ZNF692: variants seen among roughly 807,000 people sequenced by gnomAD.
ZNF692 encodes zinc finger protein 692.
Under a neutral mutation model 49.0 loss-of-function variants are expected in ZNF692, and 41 were observed. The observed-to-expected ratio is 0.84, with a 90% confidence interval of 0.65 to 1.08. The LOEUF (loss-of-function observed/expected upper bound fraction) is 1.08. Among genes scored for constraint, ZNF692 ranks in the 50% least tolerant of loss-of-function variants. The probability of loss-of-function intolerance (pLI) is 0.00; values close to 1 mark genes in which losing one functional copy is unlikely to be tolerated. For synonymous variants in ZNF692, 288 were observed against 251.5 expected (o/e 1.15, Z -1.37); for missense variants, 662 against 662.2 (o/e 1.00, Z 0.00).
At position 248,858,514 on chromosome 1, in the gene ZNF692, T is replaced by C. The variant is rs1660521221; in HGVS notation, c.-12-193A>G. ...AGGGTGTTGAAGCTCAGCGCTACCA[T>C]GTGAGTGTCGTCGGGTGGGAGGCAG... On this transcript the variant is annotated intron_variant, in intron 1 of 11. Transcript: ENST00000306601. This position sits in a 1 kb window ranked among gnomAD's most constrained non-coding sequence, Gnocchi z 4.3. 1 of 1,551,526 alleles carries C rather than the reference T, an allele frequency of 6.4e-7. No homozygotes were observed. Among genetic ancestry groups the C allele is most frequent in the Admixed American group, 2.0e-5 (1 of 50,974 alleles).
intron 6 of ZNF692, 158 bp from the exon 7 acceptor site, chr1:248,856,104 C>A: frequency 8.2e-7 from 1 of 1,213,540 alleles, no homozygotes; most frequent in Non-Finnish European, 1.1e-6. Flanking sequence ...CCTCAATCTC[C>A]CTGCACCTGA....
chr1:248,857,590 C>T (rs1558260698), intron 3 of ZNF692, 93 bp from the exon 4 acceptor site: 2 of 1,520,900 alleles, frequency 1.3e-6, no homozygotes, highest in Non-Finnish European at 8.8e-7. Flanking sequence ...TCCCTCAAAC[C>T]CCAGGGCAAC....
intron 9 of ZNF692, 57 bp from the exon 10 acceptor site, chr1:248,854,108 C>A: frequency 7.4e-7 from 1 of 1,353,082 alleles, no homozygotes; most frequent in Non-Finnish European, 1.1e-6. Flanking sequence ...CCACCTTCCA[C>A]GGAGAGATGA....
chr1:248,850,952 T>C (rs1203805945), intron 10 of ZNF692, 171 bp from the exon 11 acceptor site: 1 of 718,160 alleles, frequency 1.4e-6, no homozygotes, highest in Non-Finnish European at 2.5e-6. Context: ...CCTTACCTGA[T>C]GGGTCATGAC....
chr1:248,853,895 G>C (rs1342365610), intron 10 of ZNF692, 42 bp downstream of exon 10: 4 of 1,511,550 alleles, frequency 2.6e-6, no homozygotes, highest in Non-Finnish European at 3.7e-6. Flanking sequence ...CACAAAGGAA[G>C]GTAAAAGGTC....
chr1:248,850,238 T>C lies in ZNF692; in HGVS notation c.1532A>G (p.Gln511Arg). ...TTGCTGAGGAAGCAGGGTTGGAGCC[T>C]GAGGAGATGCAGAGGGCCTGGACCC... The part of the protein sequence containing the change: ...SEGSRPSASP[Q>R]APTLLPQQ Residue 511 changes from glutamine to arginine, a missense_variant, in exon 12 of 12, where the codon CAG (glutamine) becomes CGG (arginine). Coordinates refer to ENST00000306601, the MANE Select transcript of ZNF692 (RefSeq NM_017865.4). 6.4e-7 allele frequency: 1 copy of C among 1,551,020 alleles called. No individual in the cohort carries two copies. The highest frequency in any genetic ancestry group is 8.7e-7 in the Non-Finnish European group (1 of 1,148,338).
rs1467067864 is a variant in ZNF692 at position 248,855,933 on chromosome 1, C to T, written c.673G>A (p.Ala225Thr). Residue 225 changes from alanine to threonine, a missense_variant, in exon 7 of 12, where the codon GCC becomes ACC. Coordinates refer to ENST00000306601, the MANE Select transcript of ZNF692 (RefSeq NM_017865.4). Reference protein sequence around the residue: ...SSSPDDSEPDAPRLLPSPVTC... With the variant: ...SSSPDDSEPDTPRLLPSPVTC... ...ACAGGGGAAGGCAGTAGTCTGGGGGCATCAGGCTCACTACTGAAAGGAGAA... is the reference window on the plus strand; with the variant it reads ...ACAGGGGAAGGCAGTAGTCTGGGGGTATCAGGCTCACTACTGAAAGGAGAA... 1.9e-6 allele frequency: 3 copies of T among 1,613,820 alleles called. No individual in the cohort carries two copies. Among genetic ancestry groups the T allele is most frequent in the Non-Finnish European group, 1.7e-6 (2 of 1,180,020 alleles).
In ZNF692 at chr1:248,858,424, G is replaced by A; in HGVS notation, c.-12-103C>T. 6.4e-7 allele frequency: 1 copy of A among 1,551,034 alleles called. No individual in the cohort carries two copies. Among genetic ancestry groups the A allele is most frequent in the Non-Finnish European group, 8.7e-7 (1 of 1,146,420 alleles). ...CTCAGTTTCCTCATCAGTGAACTGG[G>A]GCAAGACTAAACTATTTCAATAGCA... On this transcript the variant is annotated intron_variant, in intron 1 of 11. Coordinates refer to ENST00000306601, the MANE Select transcript of ZNF692 (RefSeq NM_017865.4). This position sits in a 1 kb window ranked among gnomAD's most constrained non-coding sequence, Gnocchi z 4.3.
chr1:248,852,443 TCCCCCAC>T (rs1659710101), intron 10 of ZNF692, among the ~76,000 whole-genome samples: 1 of 151,814 alleles, frequency 6.6e-6, no homozygotes, highest in African/African-American at 2.4e-5. Context: ...TCACTTGAGG[TCCCCCAC>T]CCCACTCTAG....
At chr1:248,856,693 G>A in intron 4 of ZNF692, 131 bp from the exon 5 acceptor site, 1 of 1,132,048 alleles carries the variant, frequency 8.8e-7, no homozygotes, top group Non-Finnish European at 1.3e-6. Flanking sequence ...TCACTATGTT[G>A]CCCAGGCTGG....
In ZNF692 at chr1:248,857,822, A is replaced by C. The variant is rs1558261000; in HGVS notation, c.211+6T>G. 2.5e-6 allele frequency: 4 copies of C among 1,613,178 alleles called. No individual in the cohort carries two copies. Among genetic ancestry groups the C allele is most frequent in the Middle Eastern group, 1.7e-4 (1 of 6,056 alleles). On this transcript the variant is annotated splice_donor_region_variant and intron_variant, in intron 3 of 11. Coordinates refer to ENST00000306601, the MANE Select transcript of ZNF692 (RefSeq NM_017865.4). The stretch of plus-strand genomic sequence containing the variant: ...TGGCTCTCACCCCCTGCCATCCCCT[A>C]CCTACCTGCACAGAGGACACAGCCT...
chr1:248,858,442 C>A lies in ZNF692; in HGVS notation c.-12-121G>T. ...GAACTGGGGCAAGACTAAACTATTT[C>A]AATAGCAGTGGCAGGTGTGGAGCCA... On this transcript the variant is annotated intron_variant, in intron 1 of 11. Coordinates refer to ENST00000306601, the MANE Select transcript of ZNF692 (RefSeq NM_017865.4). This position sits in a 1 kb window ranked among gnomAD's most constrained non-coding sequence, Gnocchi z 4.3. 1 of 1,551,394 alleles carries A rather than the reference C, an allele frequency of 6.4e-7. No homozygotes were observed. The highest frequency in any genetic ancestry group is 1.2e-5 in the South Asian group (1 of 84,046).
chr1:248,856,135 T>C, intron 6 of ZNF692, 153 bp downstream of exon 6: 2 of 1,337,384 alleles, frequency 1.5e-6, no homozygotes, highest in Non-Finnish European at 2.0e-6. Flanking sequence ...TTTCACCCCC[T>C]CAGTTCAAAG....
chr1:248,855,651 AG>A lies in ZNF692; in HGVS notation c.882-17del, dbSNP rs1660138155. The A allele has an allele frequency of 1.2e-6, 2 of 1,614,198 alleles. No individual in the cohort carries two copies. The highest frequency in any genetic ancestry group is 1.7e-6 in the Non-Finnish European group (2 of 1,180,020). On this transcript the variant is annotated splice_polypyrimidine_tract_variant and intron_variant, in intron 7 of 11. Coordinates refer to ENST00000306601, the MANE Select transcript of ZNF692 (RefSeq NM_017865.4). ...ACTCCCAGTGCTACGGGCAGCAAAG[AG>A]GGAGCAGAGGGCCTCGAGGGAGGGC... is the stretch of plus-strand genomic sequence containing the variant.
chr1:248,850,776 G>A lies in ZNF692; in HGVS notation c.1159C>T (p.Arg387Trp), dbSNP rs147654801. ...GCGCAGAACTCACAGATGTAGTCCCGGGTGTCTGCAGGCATATGAGGGACA... is the reference window on the plus strand; with the variant it reads ...GCGCAGAACTCACAGATGTAGTCCCAGGTGTCTGCAGGCATATGAGGGACA... Reference protein sequence around the residue: ...KEHMKLHSDTRDYICEFCARS... With the variant: ...KEHMKLHSDTWDYICEFCARS... Residue 387 changes from arginine (R) to tryptophan (W), a missense_variant, in exon 11 of 12, where the codon CGG becomes TGG. By Grantham distance (101) the Arg-to-Trp change is moderately radical. Coordinates refer to ENST00000306601, the MANE Select transcript of ZNF692 (RefSeq NM_017865.4). The A allele has an allele frequency of 1.5e-5, 25 of 1,613,850 alleles. No homozygotes were observed. The highest frequency in any genetic ancestry group is 9.4e-5 in the African/African-American group (7 of 74,856).
rs1394308101 is a variant in ZNF692 at position 248,854,054 on chromosome 1, A to G, written c.1039-3T>C. 6.2e-7 allele frequency: 1 copy of G among 1,612,576 alleles called. No homozygotes were observed. ...ATGTGCTGGTACTTTTTGTGGTGCT[A>G]GAGAAGGAAGTGGGTGGTAGGGAGA... On this transcript the variant is annotated splice_polypyrimidine_tract_variant and splice_region_variant and intron_variant, in intron 9 of 11. Transcript: ENST00000306601.
chr1:248,853,055 C>A (rs1421342250), intron 10 of ZNF692, among the ~76,000 whole-genome samples: 1 of 152,208 alleles, frequency 6.6e-6, no homozygotes, highest in African/African-American at 2.4e-5. Flanking sequence ...AATCACATCA[C>A]CTTCTGCCCA....
Position 248,858,167 on chromosome 1 carries a change from G to C in ZNF692, c.143C>G (p.Ser48Cys), listed in dbSNP as rs771866790. 2 of 1,574,992 alleles carry C rather than the reference G, an allele frequency of 1.3e-6. No individual in the cohort carries two copies. The highest frequency in any genetic ancestry group is 1.7e-6 in the Non-Finnish European group (2 of 1,161,416). The change falls in exon 2 of 12, where the codon TCC (serine) becomes TGC (cysteine). Residue 48 changes from serine to cysteine, a missense_variant. Physicochemically the swap from Ser to Cys is moderately radical, Grantham distance 112. Transcript: ENST00000306601. This position sits in a 1 kb window ranked among gnomAD's most constrained non-coding sequence, Gnocchi z 4.3. Reference protein sequence around the residue: ...WCLLKERLGFSLHSQLAKFLL... With the variant: ...WCLLKERLGFCLHSQLAKFLL... ...GAACTTGGCGAGCTGCGAGTGCAGG[G>C]AGAAGCCCAGCCGCTCCTTGAGGAG...
chr1:248,856,582 A>C lies in ZNF692; in HGVS notation c.476-20T>G. 1 of 1,614,048 alleles carries C rather than the reference A, an allele frequency of 6.2e-7. No individual in the cohort carries two copies. Among genetic ancestry groups the C allele is most frequent in the Non-Finnish European group, 8.5e-7 (1 of 1,180,008 alleles). On this transcript the variant is annotated intron_variant, in intron 4 of 11. Coordinates refer to ENST00000306601, the MANE Select transcript of ZNF692 (RefSeq NM_017865.4). Reference sequence around the variant, plus strand: ...CCAAATCTGTGGGACAGGCAAAGTCAAAAGAGAAGGAACTCTGGACTCAAG... The same window carrying C: ...CCAAATCTGTGGGACAGGCAAAGTCCAAAGAGAAGGAACTCTGGACTCAAG...
Sources: allele counts gnomAD v4.1 joint callset (sites outside exome capture counted in the v4.1 genomes callset), GRCh38; gene constraint gnomAD v4.1.1; non-coding constraint Gnocchi (gnomAD v3.1); transcripts MANE v1.5; gene names NCBI Gene and HGNC (gene_info 2026-07-23, HGNC 2026-07-21).